MITF: variants seen among roughly 807,000 people sequenced by gnomAD.
MITF encodes microphthalmia-associated transcription factor.
MITF carries 17 observed loss-of-function variants against 60.5 expected under a neutral mutation model. The ratio of observed to expected loss-of-function variants is 0.28; its 90% CI spans 0.19 to 0.42. The LOEUF is 0.42. Ranked by LOEUF, MITF falls within the 10% of genes least tolerant of loss-of-function variation. The pLI, the probability that MITF is intolerant of heterozygous loss-of-function variation, is 1.00. For synonymous variants in MITF, 260 were observed against 248.5 expected, an observed-to-expected ratio of 1.05 and a Z score of -0.43; for missense variants, 622 against 683.5, an observed-to-expected ratio of 0.91 and a Z score of 1.00.
At chr3:69,916,252 C>T (rs926244046) in intron 2 of MITF, among the ~76,000 whole-genome samples, 4 of 151,982 alleles carry the variant, frequency 2.6e-5, no homozygotes, top group African/African-American at 4.8e-5. Flanking sequence ...CATAATAATT[C>T]AAATAAACTG....
At chr3:69,755,693 G>A (rs903221790) in intron 1 of MITF, among the ~76,000 whole-genome samples, 6 of 151,854 alleles carry the variant, frequency 4.0e-5, no homozygotes, top group Non-Finnish European at 5.9e-5. Context: ...GAGAGATTTC[G>A]ATTATATTAC....
chr3:69,833,699 TA>T (rs1180534545), intron 1 of MITF, among the ~76,000 whole-genome samples: 2 of 152,050 alleles, frequency 1.3e-5, no homozygotes, highest in Non-Finnish European at 2.9e-5. Context: ...GTTTACACTG[TA>T]TGTGGTTCTC....
intron 2 of MITF, among the ~76,000 whole-genome samples, chr3:69,918,145 ACCT>A (rs1247928925): frequency 6.6e-6 from 1 of 151,864 alleles, no homozygotes; most frequent in African/African-American, 2.4e-5. Context: ...GCTCACTACA[ACCT>A]CCACCTCCCG....
chr3:69,836,747 A>C (rs2063547131), intron 1 of MITF, among the ~76,000 whole-genome samples: 1 of 152,184 alleles, frequency 6.6e-6, no homozygotes. Flanking sequence ...TGTTAAATGA[A>C]ATTTCTTCCT....
At chr3:69,909,119 C>T (rs9812784) in intron 2 of MITF, among the ~76,000 whole-genome samples, 20,139 of 151,868 alleles carry the variant, frequency 0.13, 1,520 homozygotes, top group African/African-American at 0.19. Flanking sequence ...GGGAAGGACC[C>T]GGGGGGTTGG....
At chr3:69,911,461 T>C (rs77886634) in intron 2 of MITF, among the ~76,000 whole-genome samples, 2,350 of 152,274 alleles carry the variant, frequency 0.015, 29 homozygotes, top group Middle Eastern at 0.051. Flanking sequence ...CACCACTGTG[T>C]GCAATTCCTG....
At chr3:69,932,864 C>A (rs2065753107) in intron 2 of MITF, among the ~76,000 whole-genome samples, 1 of 152,000 alleles carries the variant, frequency 6.6e-6, no homozygotes, top group South Asian at 2.1e-4. Flanking sequence ...CTATGGATTG[C>A]CATTTTTAAA....
chr3:69,962,626 T>A (rs1003579008), intron 9 of MITF, among the ~76,000 whole-genome samples: 5 of 152,208 alleles, frequency 3.3e-5, no homozygotes, highest in Non-Finnish European at 7.3e-5. Context: ...TCTTGCTATA[T>A]ATTATTGTTT....
intron 2 of MITF, among the ~76,000 whole-genome samples, chr3:69,889,372 G>A (rs568047762): frequency 2.4e-4 from 37 of 151,376 alleles, no homozygotes; most frequent in Non-Finnish European, 4.0e-4. Flanking sequence ...AATAATACTC[G>A]CCCTGGGGAG....
chr3:69,841,893 A>C (rs1160088194), intron 1 of MITF, among the ~76,000 whole-genome samples: 1 of 152,222 alleles, frequency 6.6e-6, no homozygotes, highest in African/African-American at 2.4e-5. Context: ...TTACCTGTGA[A>C]GATGATGAAT....
chr3:69,935,606 T>C (rs1488270709), intron 2 of MITF, among the ~76,000 whole-genome samples: 2 of 152,210 alleles, frequency 1.3e-5, no homozygotes, highest in African/African-American at 2.4e-5. Context: ...ACGGACTGCA[T>C]TATCCTGGGC....
chr3:69,829,558 A>G lies in MITF; in HGVS notation c.105-49576A>G, dbSNP rs2063411552. Among the ~76,000 whole-genome samples, 11 of 152,318 alleles carry G rather than the reference A, an allele frequency of 7.2e-5. No homozygotes were observed. The South Asian group carries it at 2.3e-3, about 32-fold the overall frequency. On this transcript the variant is annotated intron_variant, in intron 1 of 9. Coordinates refer to ENST00000352241, the MANE Select transcript of MITF (RefSeq NM_001354604.2). ...ATTGAGGAACTACTTTGTGCCTGAC[A>G]CTATTCCAAACACATAAAATTCAGC... is the stretch of plus-strand genomic sequence containing the variant.
chr3:69,767,269 A>G (rs116869889), intron 1 of MITF, among the ~76,000 whole-genome samples: 3 of 152,308 alleles, frequency 2.0e-5, no homozygotes, highest in East Asian at 1.9e-4. Context: ...TCAAAGTGAC[A>G]TAAGTATGAT....
chr3:69,740,614 T>G (rs1014687014), intron 1 of MITF, among the ~76,000 whole-genome samples: 3 of 152,178 alleles, frequency 2.0e-5, no homozygotes, highest in African/African-American at 7.2e-5. Context: ...GTTCTCTCTG[T>G]CCGGCAGCCA....
chr3:69,917,724 T>C (rs2065367985), intron 2 of MITF, among the ~76,000 whole-genome samples: 1 of 152,050 alleles, frequency 6.6e-6, no homozygotes, highest in South Asian at 2.1e-4. Flanking sequence ...TGAACTGTAC[T>C]CTCAGAGGTT....
chr3:69,847,677 G>A (rs1342045901), intron 1 of MITF, among the ~76,000 whole-genome samples: 2 of 152,176 alleles, frequency 1.3e-5, no homozygotes, highest in African/African-American at 4.8e-5. Flanking sequence ...ATCTTTTCTG[G>A]TGAAAAATCA....
At chr3:69,871,747 C>T (rs1338674216) in intron 1 of MITF, among the ~76,000 whole-genome samples, 1 of 152,156 alleles carries the variant, frequency 6.6e-6, no homozygotes, top group Non-Finnish European at 1.5e-5. Context: ...CCAGAGCATG[C>T]CCTGTGATTG....
intron 1 of MITF, among the ~76,000 whole-genome samples, chr3:69,759,093 A>G (rs908237279): frequency 1.3e-5 from 2 of 152,252 alleles, no homozygotes; most frequent in African/African-American, 4.8e-5. Context: ...GAATTAGCAA[A>G]TACTGAATGA....
intron 4 of MITF, among the ~76,000 whole-genome samples, chr3:69,939,800 A>G (rs1423876782): frequency 6.6e-6 from 1 of 152,182 alleles, no homozygotes; most frequent in Non-Finnish European, 1.5e-5. Context: ...AGAGAAAAAA[A>G]TATTTTAAAA....
Sources: allele counts gnomAD v4.1 joint callset (sites outside exome capture counted in the v4.1 genomes callset), GRCh38; gene constraint gnomAD v4.1.1; transcripts MANE v1.5; gene names NCBI Gene and HGNC (gene_info 2026-07-23, HGNC 2026-07-21).